DCC: variants seen among roughly 807,000 people sequenced by gnomAD.
DCC encodes netrin receptor DCC.
In DCC, 58 loss-of-function variants were observed where a neutral mutation model predicts 172.5. The ratio of observed to expected loss-of-function variants is 0.34; its 90% CI spans 0.27 to 0.42. The LOEUF (loss-of-function observed/expected upper bound fraction) is 0.42. Among genes scored for constraint, DCC ranks in the 10% least tolerant of loss-of-function variants. The pLI is 1.00. For synonymous variants in DCC, 709 were observed against 644.5 expected, an observed-to-expected ratio of 1.10 and a Z score of -1.52; for missense variants, 1,740 against 1,791.0, an observed-to-expected ratio of 0.97 and a Z score of 0.51.
chr18:52,506,980 A>C (rs923585464), intron 1 of DCC, among the ~76,000 whole-genome samples: 3 of 152,186 alleles, frequency 2.0e-5, no homozygotes, highest in Non-Finnish European at 2.9e-5. Context: ...AAGGCAGAAA[A>C]GTGAACCTTA....
At chr18:53,188,171 C>G (rs771308132) in intron 9 of DCC, among the ~76,000 whole-genome samples, 2 of 152,136 alleles carry the variant, frequency 1.3e-5, no homozygotes, top group Non-Finnish European at 1.5e-5. Flanking sequence ...TAGATTCCAA[C>G]CATTGAAATG....
At chr18:53,102,027 T>TC (rs1347667608) in intron 7 of DCC, among the ~76,000 whole-genome samples, 1 of 152,054 alleles carries the variant, frequency 6.6e-6, no homozygotes, top group Non-Finnish European at 1.5e-5. Context: ...AAGGCAAATC[T>TC]CTCAGGAGAG....
chr18:53,243,729 G>T (rs563196263), intron 12 of DCC, among the ~76,000 whole-genome samples: 2 of 152,084 alleles, frequency 1.3e-5, no homozygotes, highest in African/African-American at 2.4e-5. Context: ...GAGTATTAAC[G>T]ACATAATGTT....
At chr18:53,123,670 G>C (rs943569521) in intron 7 of DCC, among the ~76,000 whole-genome samples, 2 of 151,996 alleles carry the variant, frequency 1.3e-5, no homozygotes, top group Admixed American at 6.6e-5. Flanking sequence ...TTAGGTCATA[G>C]CTATTTTTCC....
intron 7 of DCC, among the ~76,000 whole-genome samples, chr18:53,108,182 A>AAC (rs71175553): frequency 0.8 from 120,814 of 151,052 alleles, 48,942 homozygotes; most frequent in Admixed American, 0.89. Context: ...TACACAGAAA[A>AAC]ACACACACAC....
At chr18:53,135,636 TC>T (rs1405059175) in intron 7 of DCC, among the ~76,000 whole-genome samples, 1 of 152,196 alleles carries the variant, frequency 6.6e-6, no homozygotes, top group South Asian at 2.1e-4. Context: ...GGTTTCTTTG[TC>T]TTTCCCCCAA....
At chr18:52,996,770 T>C (rs2041486892) in intron 5 of DCC, among the ~76,000 whole-genome samples, 1 of 122,284 alleles carries the variant, frequency 8.2e-6, no homozygotes, top group Admixed American at 9.4e-5. Flanking sequence ...CATCACCTTT[T>C]TCTTTTTTTT....
At chr18:52,525,063 A>G (rs1457170399) in intron 1 of DCC, among the ~76,000 whole-genome samples, 1 of 152,100 alleles carries the variant, frequency 6.6e-6, no homozygotes, top group East Asian at 1.9e-4. Flanking sequence ...TTCTTGTAAG[A>G]ATAAAGTTAA....
intron 19 of DCC, among the ~76,000 whole-genome samples, chr18:53,406,026 A>T (rs1049220312): frequency 1.3e-5 from 2 of 152,182 alleles, no homozygotes; most frequent in Non-Finnish European, 2.9e-5. Context: ...TAATTTTTAA[A>T]AGCTTCCCAA....
rs149209118 is a variant in DCC, at chr18:52,910,242, C to G, written c.697+3914C>G. Among the ~76,000 whole-genome samples, 926 of 152,148 alleles carry G rather than the reference C, an allele frequency of 6.1e-3. 11 individuals carry two copies. Among genetic ancestry groups the G allele is most frequent in the Middle Eastern group, 0.031 (9 of 294 alleles). On this transcript the variant is annotated intron_variant, in intron 3 of 28. Coordinates refer to ENST00000442544, the MANE Select transcript of DCC (RefSeq NM_005215.4). Reference sequence around the variant, plus strand: ...GATGGAATCCAGACTCTGACAGAAGCTGGTTAGTAGCATTTTTCATTGAGA... The same window carrying G: ...GATGGAATCCAGACTCTGACAGAAGGTGGTTAGTAGCATTTTTCATTGAGA...
intron 1 of DCC, among the ~76,000 whole-genome samples, chr18:52,539,177 A>G (rs1453574966): frequency 6.6e-6 from 1 of 152,204 alleles, no homozygotes. Context: ...GTGGGGCTTA[A>G]TTTAAACTGT....
intron 2 of DCC, among the ~76,000 whole-genome samples, chr18:52,852,868 T>C (rs945200806): frequency 1.4e-4 from 21 of 152,178 alleles, no homozygotes; most frequent in Admixed American, 1.2e-3. Context: ...TAGTATCTCA[T>C]TTGGTCTACC....
chr18:52,993,856 C>T (rs764078330), intron 5 of DCC, among the ~76,000 whole-genome samples: 1 of 151,684 alleles, frequency 6.6e-6, no homozygotes, highest in Non-Finnish European at 1.5e-5. Context: ...GACATACTCT[C>T]CACTCTCTCT....
At chr18:53,358,554 C>T (rs6508230) in intron 15 of DCC, among the ~76,000 whole-genome samples, 44,529 of 87,982 alleles carry the variant, frequency 0.51, 8,224 homozygotes, top group Non-Finnish European at 0.55. Context: ...TTTTTTTTTG[C>T]GACAGAGTCT....
At chr18:52,471,286 G>A (rs1988938035) in intron 1 of DCC, among the ~76,000 whole-genome samples, 1 of 152,106 alleles carries the variant, frequency 6.6e-6, no homozygotes, top group East Asian at 1.9e-4. Flanking sequence ...GGAAGCCGAG[G>A]CTGCAGTGAG....
At chr18:53,333,393 A>C (rs553083192) in intron 14 of DCC, among the ~76,000 whole-genome samples, 2 of 152,350 alleles carry the variant, frequency 1.3e-5, no homozygotes, top group South Asian at 2.1e-4. Context: ...AATGATCCAT[A>C]AAATGCAGCA....
chr18:52,375,020 A>C (rs947177058), intron 1 of DCC, among the ~76,000 whole-genome samples: 7 of 152,212 alleles, frequency 4.6e-5, no homozygotes, highest in Non-Finnish European at 8.8e-5. Context: ...TCGATTTAAC[A>C]ATCTGATACA....
intron 1 of DCC, among the ~76,000 whole-genome samples, chr18:52,563,184 T>C (rs1017085075): frequency 2.0e-5 from 3 of 152,176 alleles, no homozygotes; most frequent in Non-Finnish European, 2.9e-5. Context: ...TATCTAAAGC[T>C]GGGTCTATCT....
chr18:52,525,992 A>G (rs12964400), intron 1 of DCC, among the ~76,000 whole-genome samples: 19,934 of 152,240 alleles, frequency 0.13, 1,425 homozygotes, highest in South Asian at 0.22. Flanking sequence ...ATATTCTTAC[A>G]TTATGTAACC....
Sources: allele counts gnomAD v4.1 joint callset (sites outside exome capture counted in the v4.1 genomes callset), GRCh38; gene constraint gnomAD v4.1.1; transcripts MANE v1.5; gene names NCBI Gene and HGNC (gene_info 2026-07-23, HGNC 2026-07-21).